The following DNAJC6 variants were observed in gnomAD, a reference collection of about 807,000 sequenced individuals.
DNAJC6 encodes the protein auxilin.
A neutral mutation model predicts 110.0 loss-of-function variants in DNAJC6; 34 were observed. That is an observed-to-expected ratio of 0.31 (90% CI 0.24 to 0.41). The LOEUF is 0.41. DNAJC6 is among the 10% of genes least tolerant of loss of function. DNAJC6 has a pLI of 1.00. For synonymous variants in DNAJC6, 406 were observed against 437.2 expected (o/e 0.93, Z 0.89); for missense variants, 1,031 against 1,207.8 (o/e 0.85, Z 2.17).
intron 1 of DNAJC6, among the ~76,000 whole-genome samples, chr1:65,282,079 C>T (rs1653870597): frequency 6.6e-6 from 1 of 152,132 alleles, no homozygotes; most frequent in Admixed American, 6.5e-5. Context: ...GTGCATGCCA[C>T]CATGCCTGGC....
chr1:65,266,936 G>A (rs186265637), intron 1 of DNAJC6, among the ~76,000 whole-genome samples: 405 of 149,460 alleles, frequency 2.7e-3, no homozygotes, highest in South Asian at 4.0e-3. Flanking sequence ...ACGCCCTGTC[G>A]CCCAGGTTGG....
At chr1:65,303,900 A>C (rs1645013622) in intron 1 of DNAJC6, among the ~76,000 whole-genome samples, 1 of 152,132 alleles carries the variant, frequency 6.6e-6, no homozygotes, top group South Asian at 2.1e-4. Flanking sequence ...GGCAGGTCAG[A>C]TCTAAGGAAT....
intron 1 of DNAJC6, among the ~76,000 whole-genome samples, chr1:65,265,151 A>G (rs1653272483): frequency 6.6e-6 from 1 of 152,236 alleles, no homozygotes; most frequent in South Asian, 2.1e-4. Context: ...TTCCATTTTT[A>G]TAGTCCTAAA....
intron 1 of DNAJC6, among the ~76,000 whole-genome samples, chr1:65,321,422 GA>G (rs903023842): frequency 5.6e-4 from 29 of 51,724 alleles, no homozygotes; most frequent in Non-Finnish European, 1.0e-3. Context: ...GGACGGTCTT[GA>G]GACCTCAAGG....
chr1:65,330,555 G>A (rs1418560007), intron 1 of DNAJC6, among the ~76,000 whole-genome samples: 1 of 151,922 alleles, frequency 6.6e-6, no homozygotes, highest in African/African-American at 2.4e-5. Context: ...CGCAAGCTCC[G>A]CCTCCTGGGT....
chr1:65,278,526 A>G (rs1653747086), intron 1 of DNAJC6, among the ~76,000 whole-genome samples: 1 of 152,234 alleles, frequency 6.6e-6, no homozygotes, highest in Non-Finnish European at 1.5e-5. Flanking sequence ...GGGATGCCAG[A>G]AATAGTCTGT....
At chr1:65,410,343 G>A (rs908852152) in intron 17 of DNAJC6, among the ~76,000 whole-genome samples, 1 of 152,096 alleles carries the variant, frequency 6.6e-6, no homozygotes, top group Admixed American at 6.5e-5. Context: ...ACAATGTAGG[G>A]TCTTTCATTT....
chr1:65,264,995 G>T, intron 1 of DNAJC6: 1 of 1,474,650 alleles, frequency 6.8e-7, no homozygotes, highest in Non-Finnish European at 9.5e-7. Flanking sequence ...TGCTAGGGAT[G>T]CGATGTCACT....
intron 1 of DNAJC6, among the ~76,000 whole-genome samples, chr1:65,286,750 T>C (rs991899903): frequency 5.3e-5 from 8 of 152,230 alleles, no homozygotes; most frequent in African/African-American, 1.9e-4. Flanking sequence ...ATAAAGGTGC[T>C]GCTTATTTAT....
chr1:65,399,533 G>A lies in DNAJC6; in HGVS notation c.2107+652G>A, dbSNP rs188489284. On this transcript the variant is annotated intron_variant, in intron 14 of 18. Transcript: ENST00000371069. ...GTTGCTGTTTCCTTTTTTTATTGTA[G>A]CAACCCCTTCCCCACAACGTAACAT... Among the ~76,000 whole-genome samples, 14 of 152,058 alleles carry A rather than the reference G, an allele frequency of 9.2e-5. No homozygotes were observed. In the East Asian group the frequency reaches 2.5e-3, roughly 27 times the overall value.
chr1:65,345,447 C>A (rs1257049340), intron 1 of DNAJC6, among the ~76,000 whole-genome samples: 1 of 152,084 alleles, frequency 6.6e-6, no homozygotes, highest in Non-Finnish European at 1.5e-5. Flanking sequence ...GTTGAGAAAA[C>A]TGAGGCTTAG....
chr1:65,289,236 CCTAGG>C (rs1654118306), intron 1 of DNAJC6, among the ~76,000 whole-genome samples: 1 of 152,072 alleles, frequency 6.6e-6, no homozygotes, highest in African/African-American at 2.4e-5. Flanking sequence ...CGCTCTGTTA[CCTAGG>C]CTGGAGTGCA....
chr1:65,338,163 A>G (rs1188400920), intron 1 of DNAJC6, among the ~76,000 whole-genome samples: 3 of 152,140 alleles, frequency 2.0e-5, no homozygotes, highest in Non-Finnish European at 4.4e-5. Flanking sequence ...CAGTGGACAG[A>G]GCTAGGAGCA....
At chr1:65,367,225 A>G (rs1645655170) in intron 4 of DNAJC6, among the ~76,000 whole-genome samples, 1 of 152,140 alleles carries the variant, frequency 6.6e-6, no homozygotes, top group Non-Finnish European at 1.5e-5. Context: ...AGGACAAGGG[A>G]GGCATAAGAA....
At chr1:65,395,111 C>A (rs543670590) in intron 13 of DNAJC6, 79 bp downstream of exon 13, 7 of 1,394,262 alleles carry the variant, frequency 5.0e-6, no homozygotes, top group Non-Finnish European at 6.6e-6. Context: ...TATAAAAGCA[C>A]CCTGTGGGTG....
At chr1:65,386,980 G>T (rs1341280478) in intron 8 of DNAJC6, 51 bp downstream of exon 8, 1 of 1,417,122 alleles carries the variant, frequency 7.1e-7, no homozygotes, top group Non-Finnish European at 1.0e-6. Flanking sequence ...TCTTCAATAG[G>T]AGTATTTCTG....
intron 1 of DNAJC6, among the ~76,000 whole-genome samples, chr1:65,285,011 G>A (rs946314614): frequency 1.3e-5 from 2 of 152,016 alleles, no homozygotes; most frequent in Admixed American, 1.3e-4. Flanking sequence ...TAACTCTGTG[G>A]TTTTCCATCT....
At chr1:65,376,385 T>A (rs1043251796) in intron 4 of DNAJC6, among the ~76,000 whole-genome samples, 3 of 152,042 alleles carry the variant, frequency 2.0e-5, no homozygotes, top group Non-Finnish European at 4.4e-5. Context: ...TCAATTTTCT[T>A]AATTTTTGCT....
chr1:65,383,183 T>A (rs1645839657), intron 5 of DNAJC6, among the ~76,000 whole-genome samples: 1 of 152,260 alleles, frequency 6.6e-6, no homozygotes, highest in East Asian at 1.9e-4. Context: ...AGGTCACATC[T>A]GTCAGGGATG....
Sources: gnomAD v4.1 joint callset for allele counts (sites outside exome capture counted in the v4.1 genomes callset) on GRCh38, gnomAD v4.1.1 for gene constraint, MANE v1.5 for transcripts, NCBI Gene and HGNC (gene_info 2026-07-23, HGNC 2026-07-21) for gene names.